The following ATRNL1 variants were observed in gnomAD, a reference collection of about 807,000 sequenced individuals.
The protein encoded by ATRNL1 is attractin like 1, also known as attractin-like protein 1.
ATRNL1 carries 95 observed loss-of-function variants against 182.7 expected under a neutral mutation model. The ratio of observed to expected loss-of-function variants is 0.52; its 90% CI spans 0.44 to 0.62. The LOEUF is 0.62. Among genes scored for constraint, ATRNL1 ranks in the 20% least tolerant of loss-of-function variants. ATRNL1 has a pLI of 0.00. For synonymous variants in ATRNL1, 576 were observed against 568.3 expected (o/e 1.01, Z -0.19); for missense variants, 1,471 against 1,679.5 (o/e 0.88, Z 2.17).
chr10:115,824,662 GA>G lies in ATRNL1; in HGVS notation c.3904-23208del, dbSNP rs1565412366. On this transcript the variant is annotated intron_variant, in intron 27 of 28. Transcript: ENST00000355044. ...ACATTTATCCTGCCAACAAACATAT[GA>G]AAAAAAGCTCATCATCTATGGTGAT... Among the ~76,000 whole-genome samples, 8 of 152,154 alleles carry G rather than the reference GA, an allele frequency of 5.3e-5. No individual in the cohort carries two copies. In the South Asian group the frequency reaches 1.2e-3, roughly 24 times the overall value.
chr10:115,288,097 T>C (rs190809922), intron 15 of ATRNL1, among the ~76,000 whole-genome samples: 4 of 152,298 alleles, frequency 2.6e-5, no homozygotes, highest in Admixed American at 2.6e-4. Flanking sequence ...CCCTTACTTA[T>C]ATTTACCACA....
At chr10:115,882,697 T>G (rs782368419) in intron 28 of ATRNL1, among the ~76,000 whole-genome samples, 4 of 152,158 alleles carry the variant, frequency 2.6e-5, no homozygotes, top group Non-Finnish European at 5.9e-5. Flanking sequence ...AGTTGGAGAA[T>G]GAGAAGAGGA....
At chr10:115,735,033 A>C (rs1352214639) in intron 27 of ATRNL1, among the ~76,000 whole-genome samples, 1 of 152,120 alleles carries the variant, frequency 6.6e-6, no homozygotes, top group East Asian at 1.9e-4. Context: ...AAGTTCTATG[A>C]GTTTTGTCAT....
chr10:115,108,401 G>A (rs570686997), intron 1 of ATRNL1, among the ~76,000 whole-genome samples: 3 of 152,324 alleles, frequency 2.0e-5, no homozygotes, highest in South Asian at 2.1e-4. Flanking sequence ...AAGAGAAAGA[G>A]AAACAGCCTC....
intron 10 of ATRNL1, among the ~76,000 whole-genome samples, chr10:115,260,800 G>A (rs1851360655): frequency 6.6e-6 from 1 of 152,028 alleles, no homozygotes; most frequent in South Asian, 2.1e-4. Flanking sequence ...AAGATAAAGT[G>A]AAGAATCTCC....
chr10:115,791,750 C>T (rs1365697982), intron 27 of ATRNL1, among the ~76,000 whole-genome samples: 2 of 152,070 alleles, frequency 1.3e-5, no homozygotes, highest in Non-Finnish European at 2.9e-5. Flanking sequence ...CCTTTCTTCC[C>T]TAGTTTGGCA....
In ATRNL1 at chr10:115,192,898, C is replaced by T. The variant is rs143619827; in HGVS notation, c.1348+21606C>T. ...GCACTGTTGCCATGTAGGAATGCTA[C>T]TGTTTTTTTGTATCTTGATTTTGTA... On this transcript the variant is annotated intron_variant, in intron 8 of 28. Coordinates refer to ENST00000355044, the MANE Select transcript of ATRNL1 (RefSeq NM_207303.4). Among the ~76,000 whole-genome samples the T allele has an allele frequency of 3.6e-3, 541 of 151,976 alleles. 2 individuals carry two copies. The highest frequency in any genetic ancestry group is 0.013 in the African/African-American group (522 of 41,486).
intron 26 of ATRNL1, among the ~76,000 whole-genome samples, chr10:115,716,761 C>T (rs1947264534): frequency 6.6e-6 from 1 of 152,096 alleles, no homozygotes; most frequent in African/African-American, 2.4e-5. Context: ...TATTTCCACT[C>T]GTCAAGGTTG....
intron 26 of ATRNL1, among the ~76,000 whole-genome samples, chr10:115,597,222 T>G (rs2769388): frequency 1.9e-4 from 29 of 152,064 alleles, no homozygotes; most frequent in South Asian, 1.2e-3. Context: ...CAAAATGATT[T>G]GAGGCTCTAG....
At chr10:115,524,051 C>A (rs2133716510) in intron 25 of ATRNL1, among the ~76,000 whole-genome samples, 1 of 152,220 alleles carries the variant, frequency 6.6e-6, no homozygotes, top group Admixed American at 6.5e-5. Context: ...GGAAGGGGAG[C>A]TGGTATGTGT....
chr10:115,768,342 C>G (rs1437559970), intron 27 of ATRNL1, among the ~76,000 whole-genome samples: 2 of 151,890 alleles, frequency 1.3e-5, no homozygotes, highest in Non-Finnish European at 2.9e-5. Context: ...TTAAAAAACC[C>G]TTTTTCTTTC....
intron 25 of ATRNL1, among the ~76,000 whole-genome samples, chr10:115,547,194 G>T (rs1300026968): frequency 6.6e-6 from 1 of 151,306 alleles, no homozygotes; most frequent in African/African-American, 2.4e-5. Flanking sequence ...GGCAGAGGTT[G>T]CAGTGAGCCA....
intron 27 of ATRNL1, among the ~76,000 whole-genome samples, chr10:115,810,233 AG>A (rs1950016574): frequency 6.6e-6 from 1 of 152,018 alleles, no homozygotes; most frequent in Non-Finnish European, 1.5e-5. Flanking sequence ...AAAGTATACT[AG>A]TCAGTAATTT....
rs572306459 is a variant in ATRNL1, at chr10:115,688,525, CTGAT to C, written c.3796-38720_3796-38717del. The stretch of plus-strand genomic sequence containing the variant: ...CATTCTAACTTGGGTGAGATGGTAT[CTGAT>C]TGTGGTTTTGATTTGGATTTTCCTG... On this transcript the variant is annotated intron_variant, in intron 26 of 28. Coordinates refer to ENST00000355044, the MANE Select transcript of ATRNL1 (RefSeq NM_207303.4). Among the ~76,000 whole-genome samples, 212 of 152,138 alleles carry C rather than the reference CTGAT, an allele frequency of 1.4e-3. 1 individual carries two copies. The highest frequency in any genetic ancestry group is 4.4e-3 in the African/African-American group (183 of 41,526).
intron 26 of ATRNL1, among the ~76,000 whole-genome samples, chr10:115,724,126 G>C (rs1263836938): frequency 6.6e-6 from 1 of 152,030 alleles, no homozygotes; most frequent in African/African-American, 2.4e-5. Flanking sequence ...AAAATGTTAA[G>C]CTTCATTTTA....
At chr10:115,610,572 A>C (rs559085157) in intron 26 of ATRNL1, among the ~76,000 whole-genome samples, 1 of 152,312 alleles carries the variant, frequency 6.6e-6, no homozygotes, top group South Asian at 2.1e-4. Flanking sequence ...ACAGAATAGC[A>C]TGGTGGCTTA....
intron 21 of ATRNL1, among the ~76,000 whole-genome samples, chr10:115,427,900 C>CTT (rs575225403): frequency 5.6e-5 from 8 of 143,038 alleles, no homozygotes; most frequent in Middle Eastern, 3.4e-3. Context: ...TTTGACTACT[C>CTT]TTTTTTTTTT....
At chr10:115,114,398 G>T (rs530675179) in intron 1 of ATRNL1, among the ~76,000 whole-genome samples, 1 of 152,022 alleles carries the variant, frequency 6.6e-6, no homozygotes, top group East Asian at 1.9e-4. Context: ...TAGACAAATG[G>T]TATTGAATCA....
At chr10:115,207,328 C>A (rs887417228) in intron 8 of ATRNL1, among the ~76,000 whole-genome samples, 8 of 152,132 alleles carry the variant, frequency 5.3e-5, no homozygotes, top group Non-Finnish European at 1.0e-4. Flanking sequence ...ATTCCTATTT[C>A]TCCACATCCT....
Sources: allele counts gnomAD v4.1 joint callset (sites outside exome capture counted in the v4.1 genomes callset), GRCh38; gene constraint gnomAD v4.1.1; transcripts MANE v1.5; gene names NCBI Gene and HGNC (gene_info 2026-07-23, HGNC 2026-07-21).